Variants in DERL2 observed in about 807,000 individuals in gnomAD.
DERL2 encodes the protein derlin-2.
Under a neutral mutation model 32.0 loss-of-function variants are expected in DERL2, and 13 were observed. The ratio of observed to expected loss-of-function variants is 0.41; its 90% confidence interval spans 0.26 to 0.65. The LOEUF is 0.65. Among genes scored for constraint, DERL2 ranks in the 30% least tolerant of loss-of-function variants. The pLI is 0.35. For synonymous variants in DERL2, 111 were observed against 104.7 expected (o/e 1.06, Z -0.37); for missense variants, 208 against 296.3 (o/e 0.70, Z 2.19).
chr17:5,481,269 T>C lies in DERL2; in HGVS notation c.327+27A>G, dbSNP rs1333483074. 9 of 1,537,616 alleles carry C rather than the reference T, an allele frequency of 5.9e-6. No individual in the cohort carries two copies. Among genetic ancestry groups the C allele is most frequent in the Non-Finnish European group, 8.1e-6 (9 of 1,110,306 alleles). ...GAAGAGCCAGGGTGTTCTTCAACAT[T>C]TTCCCGTGTTGTTTGTTGAAGGATA... On this transcript the variant is annotated intron_variant, in intron 4 of 6. Transcript: ENST00000158771. The surrounding 1 kb of genome is among the most constrained non-coding windows in gnomAD (Gnocchi z 4.4).
intron 6 of DERL2, among the ~76,000 whole-genome samples, chr17:5,476,476 A>G (rs1159853684): frequency 6.6e-6 from 1 of 152,202 alleles, no homozygotes; most frequent in Non-Finnish European, 1.5e-5. Flanking sequence ...TAATCAAAGG[A>G]AAGTATATTA....
chr17:5,481,813 C>A lies in DERL2; in HGVS notation c.234-424G>T, dbSNP rs1401244713. Among the ~76,000 whole-genome samples the A allele has an allele frequency of 2.0e-5, 3 of 152,100 alleles. No homozygotes were observed. Among genetic ancestry groups the A allele is most frequent in the Non-Finnish European group, 4.4e-5 (3 of 68,024 alleles). ...TACAGTTGTGTGCCACCATGCCAGGCTATTTTTTGTATTTTTAGTAGAGAG... is the reference window on the plus strand; with the variant it reads ...TACAGTTGTGTGCCACCATGCCAGGATATTTTTTGTATTTTTAGTAGAGAG... On this transcript the variant is annotated intron_variant, in intron 3 of 6. Transcript: ENST00000158771. The surrounding 1 kb of genome is among the most constrained non-coding windows in gnomAD (Gnocchi z 4.4).
At chr17:5,483,312 AAAAG>A (rs1476120556) in intron 2 of DERL2, among the ~76,000 whole-genome samples, 2 of 151,926 alleles carry the variant, frequency 1.3e-5, no homozygotes, top group Non-Finnish European at 2.9e-5. Flanking sequence ...AGAAACATCT[AAAAG>A]AAAGGAAAAT....
intron 6 of DERL2, among the ~76,000 whole-genome samples, chr17:5,475,548 T>A (rs547469552): frequency 1.3e-5 from 2 of 152,246 alleles, no homozygotes; most frequent in East Asian, 3.9e-4. Context: ...CATGAGCCAC[T>A]GCACCTAGTC....
In DERL2 at chr17:5,481,284, G is replaced by A. The variant is rs778084391; in HGVS notation, c.327+12C>T. 8.1e-6 allele frequency: 13 copies of A among 1,599,572 alleles called. No individual in the cohort carries two copies. Among genetic ancestry groups the A allele is most frequent in the Non-Finnish European group, 1.1e-5 (13 of 1,166,714 alleles). ...TCTTCAACATTTTCCCGTGTTGTTT[G>A]TTGAAGGATACGGTCATTAAGAATC... On this transcript the variant is annotated intron_variant, in intron 4 of 6. Coordinates refer to ENST00000158771, the MANE Select transcript of DERL2 (RefSeq NM_016041.5). This position sits in a 1 kb window ranked among gnomAD's most constrained non-coding sequence, Gnocchi z 4.4.
intron 6 of DERL2, among the ~76,000 whole-genome samples, chr17:5,476,430 T>C (rs1905382129): frequency 6.6e-6 from 1 of 152,108 alleles, no homozygotes; most frequent in Non-Finnish European, 1.5e-5. Flanking sequence ...AGGAAATCCA[T>C]GTGGTCAATA....
intron 6 of DERL2, chr17:5,478,037 T>C (rs1265197431): frequency 6.6e-6 from 1 of 152,158 alleles, no homozygotes; most frequent in East Asian, 1.9e-4. Flanking sequence ...CTGGTATATC[T>C]TGTTGTGCCA....
chr17:5,475,238 C>T (rs984648481), intron 6 of DERL2, among the ~76,000 whole-genome samples: 6 of 151,816 alleles, frequency 4.0e-5, no homozygotes, highest in African/African-American at 7.3e-5. Flanking sequence ...AAACAAAATA[C>T]GGTACACACA....
upstream of DERL2, chr17:5,486,312 A>G (rs974819909): frequency 1.9e-6 from 1 of 528,352 alleles, no homozygotes; most frequent in Non-Finnish European, 3.3e-6. Context: ...ATCCGTAGAG[A>G]CCTAAGGAAC....
In DERL2 at chr17:5,474,473, T is replaced by C. The variant is rs560098628; in HGVS notation, c.*211A>G. ...TCTCCAGTTTTTTGGCTCTAAGAAA[T>C]TACACTTTCAGTACCAGTGTAGTGA... On this transcript the variant is annotated 3_prime_UTR_variant, in exon 7 of 7. Transcript: ENST00000158771. This position sits in a 1 kb window ranked among gnomAD's most constrained non-coding sequence, Gnocchi z 4.3. 4.5e-6 allele frequency: 2 copies of C among 445,914 alleles called. No individual in the cohort carries two copies. The highest frequency in any genetic ancestry group is 7.7e-5 in the East Asian group (2 of 25,940). The allele number at this position is 445,914 out of a possible 1,614,324, so 27.6% of individuals were successfully genotyped here. A position where few individuals can be genotyped will look rare whatever the true frequency, so the allele number is the denominator to read the frequency against.
chr17:5,476,143 T>A (rs1014255133), intron 6 of DERL2, among the ~76,000 whole-genome samples: 11 of 152,166 alleles, frequency 7.2e-5, no homozygotes, highest in African/African-American at 2.7e-4. Context: ...GAGGGGATAG[T>A]AAATGTCCAA....
intron 6 of DERL2, among the ~76,000 whole-genome samples, chr17:5,475,552 C>G (rs1015581730): frequency 1.3e-5 from 2 of 152,152 alleles, no homozygotes; most frequent in African/African-American, 4.8e-5. Context: ...AGCCACTGCA[C>G]CTAGTCAACA....
intron 6 of DERL2, among the ~76,000 whole-genome samples, chr17:5,475,813 TGAAATAA>T (rs1431236842): frequency 1.3e-5 from 2 of 152,060 alleles, no homozygotes; most frequent in East Asian, 3.9e-4. Flanking sequence ...TTACGCTAAA[TGAAATAA>T]GAAATAAGCC....
At position 5,473,093 on chromosome 17, in the gene DERL2, CATT is replaced by C. The variant is rs1905194128; in HGVS notation, c.*1588_*1590del. 6.6e-6 allele frequency: 1 copy of C among 152,134 alleles called. No homozygotes were observed. The highest frequency in any genetic ancestry group is 1.5e-5 in the Non-Finnish European group (1 of 68,028). The allele number at this position is 152,134 out of a possible 1,614,324, so 9.4% of individuals were successfully genotyped here. A position where few individuals can be genotyped will look rare whatever the true frequency, so the allele number is the denominator to read the frequency against. On this transcript the variant is annotated 3_prime_UTR_variant, in exon 7 of 7. Transcript: ENST00000158771. ...TCTGAAAATTCCTATTTAGGATGTC[CATT>C]ATGTTTAAGCCTATGTCTATCTTTC...
chr17:5,476,857 C>A (rs1905420867), intron 6 of DERL2, among the ~76,000 whole-genome samples: 1 of 152,154 alleles, frequency 6.6e-6, no homozygotes, highest in Non-Finnish European at 1.5e-5. Context: ...GGGGTGGGGG[C>A]ACAGCCTGGT....
chr17:5,485,949 C>T (rs1906228506), intron 1 of DERL2, 120 bp downstream of exon 1: 1 of 817,016 alleles, frequency 1.2e-6, no homozygotes, highest in Non-Finnish European at 1.9e-6. Context: ...AATCCCTGTA[C>T]GCCTCCACCC....
intron 6 of DERL2, among the ~76,000 whole-genome samples, chr17:5,475,782 C>CA (rs1905345056): frequency 6.6e-6 from 1 of 152,108 alleles, no homozygotes; most frequent in Non-Finnish European, 1.5e-5. Flanking sequence ...CATGGTACAA[C>CA]ATGGATGAAC....
chr17:5,477,869 C>G (rs896889068), intron 6 of DERL2: 6 of 152,112 alleles, frequency 3.9e-5, no homozygotes, highest in African/African-American at 1.4e-4. Context: ...TTGCTCTGTT[C>G]ACTGAGAGGA....
chr17:5,477,468 GA>G (rs1487232530), intron 6 of DERL2, among the ~76,000 whole-genome samples: 1 of 152,122 alleles, frequency 6.6e-6, no homozygotes, highest in Non-Finnish European at 1.5e-5. Context: ...ACACACTCAA[GA>G]TTTGTGTATT....
Sources: gnomAD v4.1 joint callset for allele counts (sites outside exome capture counted in the v4.1 genomes callset) on GRCh38, gnomAD v4.1.1 for gene constraint, Gnocchi (gnomAD v3.1) non-coding constraint, MANE v1.5 for transcripts, NCBI Gene and HGNC (gene_info 2026-07-23, HGNC 2026-07-21) for gene names.